Variants in TCERG1L observed in about 807,000 individuals in gnomAD.
The protein encoded by TCERG1L is transcription elongation regulator 1 like.
Under a neutral mutation model 56.3 loss-of-function variants are expected in TCERG1L, and 37 were observed. The ratio of observed to expected loss-of-function variants is 0.66; its 90% CI spans 0.51 to 0.87. The LOEUF is 0.87. Ranked by LOEUF, TCERG1L falls within the 40% of genes least tolerant of loss-of-function variation. The pLI is 0.00. For missense variants in TCERG1L, 799 were observed against 774.2 expected, an observed-to-expected ratio of 1.03 and a Z score of -0.38; for synonymous variants, 324 against 326.3, an observed-to-expected ratio of 0.99 and a Z score of 0.08.
intron 4 of TCERG1L, among the ~76,000 whole-genome samples, chr10:131,190,357 G>C (rs1845290375): frequency 6.6e-6 from 1 of 152,122 alleles, no homozygotes; most frequent in South Asian, 2.1e-4. Flanking sequence ...CAAAGAATTG[G>C]TACCAATCCT....
chr10:131,210,921 C>T (rs10458713), intron 4 of TCERG1L, among the ~76,000 whole-genome samples: 8,896 of 152,302 alleles, frequency 0.058, 339 homozygotes, highest in East Asian at 0.17. Context: ...CATGTCATCA[C>T]TATTTCATCG....
At chr10:131,178,348 T>C (rs1409193453) in intron 4 of TCERG1L, among the ~76,000 whole-genome samples, 1 of 152,218 alleles carries the variant, frequency 6.6e-6, no homozygotes, top group Non-Finnish European at 1.5e-5. Context: ...GGCAGGTTTG[T>C]ATCTGAATGT....
intron 3 of TCERG1L, among the ~76,000 whole-genome samples, chr10:131,284,749 G>A (rs1846500393): frequency 6.6e-6 from 1 of 152,000 alleles, no homozygotes; most frequent in Non-Finnish European, 1.5e-5. Flanking sequence ...AGTAGGTACA[G>A]AACAATCTCA....
At chr10:131,129,627 T>G (rs767975404) in intron 8 of TCERG1L, among the ~76,000 whole-genome samples, 2 of 152,232 alleles carry the variant, frequency 1.3e-5, no homozygotes, top group African/African-American at 4.8e-5. Context: ...AAGCACACAC[T>G]GGACCATCTT....
intron 3 of TCERG1L, among the ~76,000 whole-genome samples, chr10:131,297,283 T>C (rs918703556): frequency 6.6e-6 from 1 of 152,222 alleles, no homozygotes; most frequent in Non-Finnish European, 1.5e-5. Context: ...GTTTTTAATC[T>C]GAATGGATGG....
chr10:131,146,905 T>A (rs972084677), intron 6 of TCERG1L, among the ~76,000 whole-genome samples: 2 of 152,074 alleles, frequency 1.3e-5, no homozygotes, highest in Non-Finnish European at 2.9e-5. Context: ...ACAACAACAT[T>A]CAGAGAAGCC....
chr10:131,166,990 G>T, intron 4 of TCERG1L, 105 bp from the exon 5 acceptor site: 1 of 932,516 alleles, frequency 1.1e-6, no homozygotes, highest in Non-Finnish European at 1.6e-6. Flanking sequence ...GAATTGGTCA[G>T]TAGACACTGT....
At chr10:131,264,361 A>G (rs1287050454) in intron 3 of TCERG1L, among the ~76,000 whole-genome samples, 1 of 152,114 alleles carries the variant, frequency 6.6e-6, no homozygotes, top group African/African-American at 2.4e-5. Context: ...GTCGAAGACC[A>G]CCCACCCACA....
intron 4 of TCERG1L, among the ~76,000 whole-genome samples, chr10:131,179,654 C>T (rs997206480): frequency 1.3e-5 from 2 of 152,208 alleles, no homozygotes; most frequent in African/African-American, 4.8e-5. Context: ...TCCACTAATT[C>T]TTCTGGCCCT....
At chr10:131,256,986 AAGG>A (rs1254211696) in intron 4 of TCERG1L, among the ~76,000 whole-genome samples, 7 of 83,676 alleles carry the variant, frequency 8.4e-5, no homozygotes, top group African/African-American at 2.4e-4. Context: ...GGAAGGAAGG[AAGG>A]AAGGAAAGAA....
At chr10:131,223,812 C>A (rs972401132) in intron 4 of TCERG1L, among the ~76,000 whole-genome samples, 1 of 151,994 alleles carries the variant, frequency 6.6e-6, no homozygotes, top group Admixed American at 6.6e-5. Flanking sequence ...GGCAAGCAGC[C>A]CCCCACGCAC....
Position 131,146,533 on chromosome 10 carries a change from G to A in TCERG1L, c.1162C>T (p.His388Tyr), listed in dbSNP as rs768518191. The A allele has an allele frequency of 1.7e-5, 28 of 1,611,300 alleles. No individual in the cohort carries two copies. The highest frequency in any genetic ancestry group is 3.4e-6 in the Non-Finnish European group (4 of 1,178,212). The change falls in exon 7 of 12, where the codon CAC (histidine) becomes TAC (tyrosine). Residue 388 changes from histidine to tyrosine, a missense_variant. Coordinates refer to ENST00000368642, the MANE Select transcript of TCERG1L (RefSeq NM_174937.4). ...GCTGGTGCCTCCAGCTTGCGTTTGT[G>A]GGGCGGGTCCTCAATGATCCTGTTG... is the stretch of plus-strand genomic sequence containing the variant. Reference protein sequence around the residue: ...DLNRIIEDPPHKRKLEAPATD... With the variant: ...DLNRIIEDPPYKRKLEAPATD...
At chr10:131,165,846 A>C (rs1313101130) in intron 5 of TCERG1L, among the ~76,000 whole-genome samples, 1 of 152,232 alleles carries the variant, frequency 6.6e-6, no homozygotes, top group African/African-American at 2.4e-5. Flanking sequence ...ACGGCTAATC[A>C]TGGTATAAAA....
chr10:131,251,554 G>A (rs978678117), intron 4 of TCERG1L, among the ~76,000 whole-genome samples: 3 of 152,260 alleles, frequency 2.0e-5, no homozygotes, highest in Admixed American at 6.5e-5. Context: ...GTTCCGGACT[G>A]CTGATGTGGC....
At chr10:131,115,529 C>CCACGTT (rs1438989193) in intron 9 of TCERG1L, among the ~76,000 whole-genome samples, 5 of 152,402 alleles carry the variant, frequency 3.3e-5, no homozygotes, top group South Asian at 2.1e-4. Context: ...GCGTCCACGT[C>CCACGTT]GCGCTCTGTG....
rs535202690 is a variant in TCERG1L at position 131,192,954 on chromosome 10, C to T, written c.857-26069G>A. On this transcript the variant is annotated intron_variant, in intron 4 of 11. Transcript: ENST00000368642. ...AGGTGGACTAAAATCTCCAAATTCACCAAGATATAATTCATCCATATAACA... is the reference window on the plus strand; with the variant it reads ...AGGTGGACTAAAATCTCCAAATTCATCAAGATATAATTCATCCATATAACA... Among the ~76,000 whole-genome samples, 58 of 152,084 alleles carry T rather than the reference C, an allele frequency of 3.8e-4. 1 individual carries two copies. Among genetic ancestry groups the T allele is most frequent in the African/African-American group, 1.4e-3 (57 of 41,462 alleles).
chr10:131,210,183 A>G (rs1845601782), intron 4 of TCERG1L, among the ~76,000 whole-genome samples: 1 of 152,262 alleles, frequency 6.6e-6, no homozygotes, highest in African/African-American at 2.4e-5. Context: ...CCATAACTTC[A>G]AGAAAAATAA....
intron 3 of TCERG1L, among the ~76,000 whole-genome samples, chr10:131,306,601 T>C (rs1846820767): frequency 6.6e-6 from 1 of 152,152 alleles, no homozygotes; most frequent in Admixed American, 6.5e-5. Context: ...ATTGCATGCC[T>C]GTGTCAAAAC....
chr10:131,183,926 A>G (rs552566237), intron 4 of TCERG1L, among the ~76,000 whole-genome samples: 1 of 152,346 alleles, frequency 6.6e-6, no homozygotes, highest in African/African-American at 2.4e-5. Flanking sequence ...CATTGATAGC[A>G]GTGGGACTCG....
Sources: allele counts gnomAD v4.1 joint callset (sites outside exome capture counted in the v4.1 genomes callset), GRCh38; gene constraint gnomAD v4.1.1; transcripts MANE v1.5; gene names NCBI Gene and HGNC (gene_info 2026-07-23, HGNC 2026-07-21).